The following CSMD3 variants were observed in gnomAD, a reference collection of about 807,000 sequenced individuals.
CSMD3 encodes the protein CUB and sushi domain-containing protein 3.
CSMD3 carries 177 observed loss-of-function variants against 435.2 expected under a neutral mutation model. That is an observed-to-expected ratio of 0.41 (90% confidence interval 0.36 to 0.46). CSMD3 has a LOEUF of 0.46. Among genes scored for constraint, CSMD3 ranks in the 20% least tolerant of loss-of-function variants. The pLI is 0.34. For missense variants in CSMD3, 4,265 were observed against 4,504.6 expected (o/e 0.95, Z 1.52); for synonymous variants, 1,656 against 1,520.5 (o/e 1.09, Z -2.07).
At chr8:112,271,420 C>G (rs1440290090) in intron 59 of CSMD3, among the ~76,000 whole-genome samples, 1 of 151,958 alleles carries the variant, frequency 6.6e-6, no homozygotes. Flanking sequence ...TTTCATATGC[C>G]TTATCACCAA....
Position 113,082,001 on chromosome 8 carries a change from G to A in CSMD3, c.917+16755C>T, listed in dbSNP as rs539659873. On this transcript the variant is annotated intron_variant, in intron 5 of 70. Coordinates refer to ENST00000297405, the MANE Select transcript of CSMD3 (RefSeq NM_198123.2). ...ATCCATGCATGCCCTCTGGGGATCT[G>A]AGAACTGGCCCACCTGGACAATCAC... Among the ~76,000 whole-genome samples the A allele has an allele frequency of 2.2e-4, 33 of 152,248 alleles. No homozygotes were observed. In the South Asian group the frequency reaches 6.4e-3, roughly 30 times the overall value.
At chr8:112,373,463 C>A (rs1033788977) in intron 38 of CSMD3, among the ~76,000 whole-genome samples, 2 of 150,802 alleles carry the variant, frequency 1.3e-5, no homozygotes, top group African/African-American at 5.0e-5. Context: ...TTTCCCAGTA[C>A]CCAGTTGTTT....
At chr8:113,110,668 T>C (rs1009901687) in intron 4 of CSMD3, among the ~76,000 whole-genome samples, 1 of 152,204 alleles carries the variant, frequency 6.6e-6, no homozygotes, top group African/African-American at 2.4e-5. Flanking sequence ...TTGCCCTTAA[T>C]GAATGGATAT....
In CSMD3 at chr8:112,232,438, G is replaced by A. The variant is rs1219974262; in HGVS notation, c.10741-806C>T. ...GCCTAGCCAACATGGTAAAACCCCCGTCTCTACTAAAATTACAAAAATTAG... is the reference window on the plus strand; with the variant it reads ...GCCTAGCCAACATGGTAAAACCCCCATCTCTACTAAAATTACAAAAATTAG... On this transcript the variant is annotated intron_variant, in intron 68 of 70. Coordinates refer to ENST00000297405, the MANE Select transcript of CSMD3 (RefSeq NM_198123.2). Among the ~76,000 whole-genome samples, 5 of 152,004 alleles carry A rather than the reference G, an allele frequency of 3.3e-5. No individual in the cohort carries two copies. The East Asian group carries it at 5.8e-4, about 18-fold the overall frequency.
At chr8:113,098,624 A>C (rs1197360904) in intron 5 of CSMD3, 132 bp downstream of exon 5, 3 of 669,904 alleles carry the variant, frequency 4.5e-6, no homozygotes, top group Non-Finnish European at 8.0e-6. Flanking sequence ...CAGCTCTGAC[A>C]ACCTCTTCAC....
chr8:113,243,855 C>T lies in CSMD3; in HGVS notation c.514+34737G>A, dbSNP rs532339108. ...GTTTTGATTTGTATTTTCCCCATAA[C>T]TAATGATGTTGAACATGTTTATGTG... On this transcript the variant is annotated intron_variant, in intron 3 of 70. Coordinates refer to ENST00000297405, the MANE Select transcript of CSMD3 (RefSeq NM_198123.2). Among the ~76,000 whole-genome samples, 23 of 152,222 alleles carry T rather than the reference C, an allele frequency of 1.5e-4. No individual in the cohort carries two copies. In the South Asian group the frequency reaches 4.6e-3, roughly 30 times the overall value.
chr8:112,329,579 T>C (rs1823842628), intron 45 of CSMD3, among the ~76,000 whole-genome samples: 1 of 152,094 alleles, frequency 6.6e-6, no homozygotes, highest in African/African-American at 2.4e-5. Context: ...CCTGACACAC[T>C]TTTGCTGAGA....
chr8:112,717,879 A>C (rs1208352878), intron 13 of CSMD3, among the ~76,000 whole-genome samples: 1 of 152,052 alleles, frequency 6.6e-6, no homozygotes, highest in Non-Finnish European at 1.5e-5. Context: ...ACATGGACAC[A>C]GGGAGGGGAA....
chr8:113,102,701 C>A (rs1485675163), intron 4 of CSMD3, among the ~76,000 whole-genome samples: 1 of 152,078 alleles, frequency 6.6e-6, no homozygotes, highest in African/African-American at 2.4e-5. Flanking sequence ...GGTGTTCCTG[C>A]AGCTTCACTG....
chr8:113,336,287 G>A (rs1036143944), intron 1 of CSMD3, among the ~76,000 whole-genome samples: 24 of 151,008 alleles, frequency 1.6e-4, no homozygotes, highest in African/African-American at 4.9e-4. Flanking sequence ...ATTCTTTGCT[G>A]AAACTTTTAA....
intron 3 of CSMD3, among the ~76,000 whole-genome samples, chr8:113,266,433 A>C (rs530495807): frequency 6.6e-6 from 1 of 151,422 alleles, no homozygotes; most frequent in Non-Finnish European, 1.5e-5. Context: ...ATATTTTCTC[A>C]TATCCATTTA....
intron 45 of CSMD3, among the ~76,000 whole-genome samples, chr8:112,322,873 A>G (rs1012778954): frequency 6.6e-6 from 1 of 151,944 alleles, no homozygotes; most frequent in African/African-American, 2.4e-5. Flanking sequence ...TACCTTTTTC[A>G]CTATCCAGGA....
intron 13 of CSMD3, among the ~76,000 whole-genome samples, chr8:112,775,234 G>A (rs1399283596): frequency 1.3e-5 from 2 of 151,618 alleles, no homozygotes; most frequent in East Asian, 1.9e-4. Context: ...CTATTATTAT[G>A]TTAATGGGTA....
intron 22 of CSMD3, among the ~76,000 whole-genome samples, chr8:112,615,054 T>C (rs993340185): frequency 6.6e-6 from 1 of 151,914 alleles, no homozygotes; most frequent in Non-Finnish European, 1.5e-5. Flanking sequence ...TAACAACTGG[T>C]CTTATAGAAT....
At chr8:112,416,104 T>C (rs76303012) in intron 32 of CSMD3, among the ~76,000 whole-genome samples, 1,525 of 151,966 alleles carry the variant, frequency 0.01, 31 homozygotes, top group African/African-American at 0.034. Context: ...GAAGGGACCA[T>C]GGGCTGTGTC....
chr8:113,201,725 G>C (rs527480226), intron 3 of CSMD3, among the ~76,000 whole-genome samples: 1 of 151,800 alleles, frequency 6.6e-6, no homozygotes, highest in African/African-American at 2.4e-5. Flanking sequence ...ATCGTATGCT[G>C]ATTTTTAAAA....
chr8:113,434,205 G>T (rs918735484), intron 1 of CSMD3, among the ~76,000 whole-genome samples: 1 of 152,090 alleles, frequency 6.6e-6, no homozygotes, highest in African/African-American at 2.4e-5. Flanking sequence ...GGCTAGAGCT[G>T]TTCACGTGGA....
intron 24 of CSMD3, among the ~76,000 whole-genome samples, chr8:112,566,586 T>C (rs1829080924): frequency 6.6e-6 from 1 of 152,106 alleles, no homozygotes; most frequent in Admixed American, 6.6e-5. Flanking sequence ...TCATTTTCTT[T>C]TCTAACAAAG....
intron 27 of CSMD3, 102 bp from the exon 28 acceptor site, chr8:112,517,327 AT>A: frequency 1.3e-6 from 1 of 751,218 alleles, no homozygotes. Context: ...TTTGGGGTCA[AT>A]TTTTAAATGC....
Sources: gnomAD v4.1 joint callset for allele counts (sites outside exome capture counted in the v4.1 genomes callset) on GRCh38, gnomAD v4.1.1 for gene constraint, MANE v1.5 for transcripts, NCBI Gene and HGNC (gene_info 2026-07-23, HGNC 2026-07-21) for gene names.